NRXN3: variants seen among roughly 807,000 people sequenced by gnomAD.
The protein encoded by NRXN3 is neurexin 3.
NRXN3 carries 32 observed loss-of-function variants against 137.6 expected under a neutral mutation model. The observed-to-expected ratio is 0.23, with a 90% CI of 0.18 to 0.31. NRXN3 has a LOEUF of 0.31. Ranked by LOEUF, NRXN3 falls within the 10% of genes least tolerant of loss-of-function variation. The pLI, the probability that NRXN3 is intolerant of heterozygous loss-of-function variation, is 1.00. For synonymous variants in NRXN3, 798 were observed against 784.5 expected (o/e 1.02, Z -0.29); for missense variants, 1,574 against 2,062.5 (o/e 0.76, Z 4.59).
chr14:78,871,877 G>T (rs564931112), intron 10 of NRXN3, among the ~76,000 whole-genome samples: 1 of 152,050 alleles, frequency 6.6e-6, no homozygotes, highest in Non-Finnish European at 1.5e-5. Flanking sequence ...ATATATTACT[G>T]GGTTTTGCTA....
At chr14:78,969,484 C>T (rs770175158) in intron 14 of NRXN3, among the ~76,000 whole-genome samples, 3 of 152,054 alleles carry the variant, frequency 2.0e-5, no homozygotes, top group Non-Finnish European at 2.9e-5. Context: ...CCTGTGTTTG[C>T]GCAATATATT....
At chr14:78,464,058 T>TA (rs2095020531) in intron 4 of NRXN3, among the ~76,000 whole-genome samples, 1 of 142 alleles carries the variant, frequency 7.0e-3, no homozygotes, top group South Asian at 0.071. Flanking sequence ...ATTAATTAAT[T>TA]TTTTTTTTTT....
chr14:79,656,653 CTG>C (rs1435000222), intron 16 of NRXN3, among the ~76,000 whole-genome samples: 1 of 146,186 alleles, frequency 6.8e-6, no homozygotes, highest in Admixed American at 6.9e-5. Flanking sequence ...AGAGATGGAG[CTG>C]TCTCGAGCTA....
intron 10 of NRXN3, among the ~76,000 whole-genome samples, chr14:78,874,665 T>A: frequency 6.6e-6 from 1 of 152,174 alleles, no homozygotes; most frequent in Non-Finnish European, 1.5e-5. Context: ...ACATCCTCGT[T>A]TTCATTTTTC....
chr14:78,915,345 CAAAAAAAAAAAAA>C lies in NRXN3; in HGVS notation c.2276-41882_2276-41870del, dbSNP rs35908076. Among the ~76,000 whole-genome samples, 3 of 11,196 alleles carry C rather than the reference CAAAAAAAAAAAAA, an allele frequency of 2.7e-4. No individual in the cohort carries two copies. In the Admixed American group the frequency reaches 3.4e-3, roughly 13 times the overall value. The allele number at this position is 11,196 out of a possible 152,430, so 7.3% of individuals were successfully genotyped here. A position where few individuals can be genotyped will look rare whatever the true frequency, so the allele number is the denominator to read the frequency against. ...CCCAAACATCTTTCTACGTGTGAAG[CAAAAAAAAAAAAA>C]AAAAAAAAAAAAAACCACACAGAAA... On this transcript the variant is annotated intron_variant, in intron 10 of 20. Transcript: ENST00000335750.
intron 20 of NRXN3, among the ~76,000 whole-genome samples, chr14:79,824,062 G>C (rs2099281807): frequency 6.6e-6 from 1 of 152,190 alleles, no homozygotes; most frequent in South Asian, 2.1e-4. Context: ...GAATATGCTT[G>C]ATCCTTTAAC....
At chr14:79,155,622 A>G (rs1024936044) in intron 15 of NRXN3, among the ~76,000 whole-genome samples, 5 of 151,842 alleles carry the variant, frequency 3.3e-5, no homozygotes, top group African/African-American at 1.2e-4. Flanking sequence ...TAAAAATAAA[A>G]GCTTTAAGAA....
At position 79,861,383 on chromosome 14, in the gene NRXN3, G is replaced by T. The variant is rs760723868; in HGVS notation, c.4135G>T (p.Ala1379Ser). 1.8e-5 allele frequency: 28 copies of T among 1,536,082 alleles called. No individual in the cohort carries two copies. Among genetic ancestry groups the T allele is most frequent in the Non-Finnish European group, 2.3e-5 (26 of 1,146,938 alleles). ...TTCAATCTTCGAAGGTGGCTACAAA[G>T]CACATGCGCCCAAGTGGGAATCCAA... ...STSIFEGGYK[A>S]HAPKWESKDF... is the part of the protein sequence containing the mutation. Residue 1379 changes from alanine (A) to serine (S), a missense_variant, in exon 21 of 21, where the codon GCA (alanine) becomes TCA (serine). By Grantham distance (99) the Ala-to-Ser change is moderately conservative. This residue lies in a region of NRXN3 where 320 missense variants were observed against 387.1 expected (regional missense o/e 0.83). Transcript: ENST00000335750. This position sits in a 1 kb window ranked among gnomAD's most constrained non-coding sequence, Gnocchi z 5.4.
intron 16 of NRXN3, among the ~76,000 whole-genome samples, chr14:79,514,189 C>A (rs1601499992): frequency 1.2e-5 from 1 of 82,430 alleles, no homozygotes; most frequent in Non-Finnish European, 2.3e-5. Context: ...ACCACCCCCT[C>A]CCCCCGCTCC....
intron 17 of NRXN3, among the ~76,000 whole-genome samples, chr14:79,674,149 T>C (rs945001228): frequency 4.6e-5 from 7 of 152,218 alleles, no homozygotes; most frequent in Admixed American, 1.3e-4. Context: ...TTGAATTATC[T>C]GGAACAATGC....
In NRXN3 at chr14:78,998,192, T is replaced by C. The variant is rs182439528; in HGVS notation, c.3262+10051T>C. 3.1e-3 allele frequency among the ~76,000 whole-genome samples: 465 copies of C among 152,332 alleles called. 1 individual carries two copies. Among genetic ancestry groups the C allele is most frequent in the Non-Finnish European group, 5.2e-3 (357 of 68,038 alleles). Reference sequence around the variant, plus strand: ...TTGTCATTTTCCCGGTTATATCAGGTCAGTTGTAGTTCCAGTCTTTGTTAC... The same window carrying C: ...TTGTCATTTTCCCGGTTATATCAGGCCAGTTGTAGTTCCAGTCTTTGTTAC... On this transcript the variant is annotated intron_variant, in intron 15 of 20. Transcript: ENST00000335750.
intron 19 of NRXN3, 139 bp downstream of exon 19, chr14:79,698,076 C>A: frequency 1.3e-6 from 1 of 763,234 alleles, no homozygotes; most frequent in Non-Finnish European, 2.1e-6. Context: ...GTAATGAGAC[C>A]CAGGAGAAGA....
intron 8 of NRXN3, among the ~76,000 whole-genome samples, chr14:78,803,214 A>G (rs2098844774): frequency 6.6e-6 from 1 of 152,082 alleles, no homozygotes; most frequent in South Asian, 2.1e-4. Flanking sequence ...CTCTCCTCCT[A>G]TTCTTCATGA....
At chr14:78,506,273 G>A (rs7155856) in intron 4 of NRXN3, among the ~76,000 whole-genome samples, 63,450 of 151,978 alleles carry the variant, frequency 0.42, 13,438 homozygotes, top group East Asian at 0.51. Context: ...AGTTTCATTC[G>A]TGTTGCAAAT....
chr14:79,483,375 CTG>C (rs1387857227), intron 16 of NRXN3, among the ~76,000 whole-genome samples: 1 of 152,182 alleles, frequency 6.6e-6, no homozygotes, highest in Non-Finnish European at 1.5e-5. Flanking sequence ...AATATTCTGC[CTG>C]TGTTTCCATG....
intron 16 of NRXN3, among the ~76,000 whole-genome samples, chr14:79,533,934 A>G (rs1266151384): frequency 1.3e-5 from 2 of 152,340 alleles, no homozygotes; most frequent in Non-Finnish European, 2.9e-5. Context: ...ATTGATAACA[A>G]CTTGTAGCAA....
At chr14:79,366,980 CTT>C (rs71131695) in intron 15 of NRXN3, among the ~76,000 whole-genome samples, 22 of 113,206 alleles carry the variant, frequency 1.9e-4, no homozygotes, top group African/African-American at 3.5e-4. Flanking sequence ...GTCCCTTAGT[CTT>C]TTTTTTTTTT....
intron 4 of NRXN3, among the ~76,000 whole-genome samples, chr14:78,335,836 G>A (rs531943133): frequency 1.3e-5 from 2 of 152,198 alleles, no homozygotes; most frequent in Non-Finnish European, 1.5e-5. Context: ...AACTGCTGGG[G>A]AAGGCACAGG....
In NRXN3 at chr14:78,985,164, C is replaced by T. The variant is rs144515221; in HGVS notation, c.3143-2858C>T. 5.9e-5 allele frequency among the ~76,000 whole-genome samples: 9 copies of T among 152,302 alleles called. No homozygotes were observed. The East Asian group carries it at 1.7e-3, about 29-fold the overall frequency. Reference sequence around the variant, plus strand: ...TTTGCAGAGTGCAGACATGCTCCTACACTCAGGTTTTGGAAGCATGATATA... The same window carrying T: ...TTTGCAGAGTGCAGACATGCTCCTATACTCAGGTTTTGGAAGCATGATATA... On this transcript the variant is annotated intron_variant, in intron 14 of 20. Transcript: ENST00000335750.
Sources: allele counts gnomAD v4.1 joint callset (sites outside exome capture counted in the v4.1 genomes callset), GRCh38; gene constraint gnomAD v4.1.1; regional missense constraint gnomAD v4.1.1; non-coding constraint Gnocchi (gnomAD v3.1); transcripts MANE v1.5; gene names NCBI Gene and HGNC (gene_info 2026-07-23, HGNC 2026-07-21).